MICU3: variants seen among roughly 807,000 people sequenced by gnomAD.
MICU3 encodes the protein calcium uptake protein 3, mitochondrial.
MICU3 carries 62 observed loss-of-function variants against 66.5 expected under a neutral mutation model. The ratio of observed to expected loss-of-function variants is 0.93; its 90% CI spans 0.76 to 1.15. MICU3 has a LOEUF of 1.15. MICU3 is among the 50% of genes most tolerant of loss of function. The pLI is 0.00. For missense variants in MICU3, 779 were observed against 664.4 expected, an observed-to-expected ratio of 1.17 and a Z score of -1.90; for synonymous variants, 308 against 240.7, an observed-to-expected ratio of 1.28 and a Z score of -2.59.
In MICU3 at chr8:17,122,280, TG is replaced by T. The variant is rs1166607582; in HGVS notation, c.*1994del. 3 of 151,870 alleles carry T rather than the reference TG, an allele frequency of 2.0e-5. No homozygotes were observed. The highest frequency in any genetic ancestry group is 2.0e-4 in the Admixed American group (3 of 15,246). The allele number at this position is 151,870 out of a possible 1,614,324, so 9.4% of individuals were successfully genotyped here. A position where few individuals can be genotyped will look rare whatever the true frequency, so the allele number is the denominator to read the frequency against. ...GTGATTTCCATCATATTATCACTCT[TG>T]AATTTTATCATCTATAAAATGAGAG... On this transcript the variant is annotated 3_prime_UTR_variant, in exon 15 of 15. Coordinates refer to ENST00000318063, the MANE Select transcript of MICU3 (RefSeq NM_181723.3).
At chr8:17,052,940 T>C (rs1486680414) in intron 1 of MICU3, among the ~76,000 whole-genome samples, 2 of 152,210 alleles carry the variant, frequency 1.3e-5, no homozygotes, top group Non-Finnish European at 2.9e-5. Context: ...TTTGCAAGAT[T>C]ATTTTTTATG....
intron 11 of MICU3, among the ~76,000 whole-genome samples, chr8:17,106,684 G>A (rs2150816516): frequency 6.6e-6 from 1 of 151,434 alleles, no homozygotes; most frequent in South Asian, 2.1e-4. Flanking sequence ...ATGATTACTT[G>A]TAGAAATGGA....
chr8:17,057,301 A>G (rs1163522746), intron 1 of MICU3, among the ~76,000 whole-genome samples: 1 of 152,150 alleles, frequency 6.6e-6, no homozygotes, highest in Admixed American at 6.5e-5. Context: ...TTGGGAAATC[A>G]GGGATGGGTT....
chr8:17,082,312 A>G (rs1302181395), intron 5 of MICU3, among the ~76,000 whole-genome samples: 1 of 152,046 alleles, frequency 6.6e-6, no homozygotes, highest in Non-Finnish European at 1.5e-5. Flanking sequence ...AGGGATTTGT[A>G]CCTTCTGCTT....
intron 1 of MICU3, among the ~76,000 whole-genome samples, chr8:17,028,585 A>C (rs1432974527): frequency 6.6e-6 from 1 of 152,228 alleles, no homozygotes; most frequent in East Asian, 1.9e-4. Context: ...TGCTGTTTCT[A>C]ATGCAATTTT....
Position 17,082,149 on chromosome 8 carries a change from T to TG in MICU3, c.694+409_694+410insG, listed in dbSNP as rs1585394415. On this transcript the variant is annotated intron_variant, in intron 5 of 14. Coordinates refer to ENST00000318063, the MANE Select transcript of MICU3 (RefSeq NM_181723.3). The stretch of plus-strand genomic sequence containing the variant: ...ACCCATCATTCACATCTAAAACTTC[T>TG]ATTTTCTCCCTGTCAGGTGCAGCAT... Among the ~76,000 whole-genome samples the TG allele has an allele frequency of 4.7e-5, 7 of 147,742 alleles. No homozygotes were observed. The East Asian group carries it at 1.4e-3, about 31-fold the overall frequency.
At chr8:17,077,882 G>C in intron 4 of MICU3, 21 bp downstream of exon 4, 2 of 1,513,640 alleles carry the variant, frequency 1.3e-6, no homozygotes, top group Non-Finnish European at 1.8e-6. Flanking sequence ...CTTAGTACTT[G>C]TTCTTTTTTT....
chr8:17,113,167 C>A (rs1020969561), intron 11 of MICU3, among the ~76,000 whole-genome samples: 1 of 152,080 alleles, frequency 6.6e-6, no homozygotes, highest in African/African-American at 2.4e-5. Context: ...AAACTAGATC[C>A]CTGTGGGGCT....
chr8:17,116,890 CA>C (rs1802734927), intron 13 of MICU3, among the ~76,000 whole-genome samples: 1 of 152,218 alleles, frequency 6.6e-6, no homozygotes, highest in Admixed American at 6.5e-5. Context: ...CAAATATTTT[CA>C]AAAAATTTAG....
At chr8:17,042,629 G>A (rs920634490) in intron 1 of MICU3, among the ~76,000 whole-genome samples, 1 of 152,188 alleles carries the variant, frequency 6.6e-6, no homozygotes, top group Non-Finnish European at 1.5e-5. Context: ...CCATAGCATA[G>A]TAGTGTTTTT....
chr8:17,128,887 C>T, the MICU3 span, among the ~76,000 whole-genome samples: 5 of 152,122 alleles, frequency 3.3e-5, no homozygotes, highest in African/African-American at 1.2e-4. Flanking sequence ...CAAAAATCTG[C>T]ATAGGGGTAC....
At chr8:17,107,919 C>T (rs1408792187) in intron 11 of MICU3, among the ~76,000 whole-genome samples, 2 of 152,082 alleles carry the variant, frequency 1.3e-5, no homozygotes, top group African/African-American at 2.4e-5. Context: ...TTTAGGTGGC[C>T]TGGCTTTGAA....
At chr8:17,031,337 G>A (rs1324564078) in intron 1 of MICU3, among the ~76,000 whole-genome samples, 2 of 150,186 alleles carry the variant, frequency 1.3e-5, no homozygotes, top group South Asian at 2.1e-4. Flanking sequence ...GCTCAGGCTG[G>A]ACTGCAGGGG....
At chr8:17,084,495 C>T (rs1434787879) in intron 5 of MICU3, among the ~76,000 whole-genome samples, 2 of 152,016 alleles carry the variant, frequency 1.3e-5, no homozygotes, top group Middle Eastern at 3.2e-3. Context: ...CCCCTCCCCC[C>T]GGTCATCTCA....
the MICU3 span, among the ~76,000 whole-genome samples, chr8:17,137,142 C>T: frequency 6.6e-6 from 1 of 152,000 alleles, no homozygotes; most frequent in African/African-American, 2.4e-5. Flanking sequence ...TTTCACTTAT[C>T]TTCAATCCAA....
At chr8:17,068,895 T>C (rs1819120252) in intron 2 of MICU3, among the ~76,000 whole-genome samples, 1 of 152,192 alleles carries the variant, frequency 6.6e-6, no homozygotes, top group South Asian at 2.1e-4. Context: ...TACAGCTGTA[T>C]TACAGGGCTT....
intron 8 of MICU3, among the ~76,000 whole-genome samples, chr8:17,091,723 T>G (rs1478654095): frequency 6.6e-6 from 1 of 152,108 alleles, no homozygotes; most frequent in East Asian, 1.9e-4. Flanking sequence ...AAATCACTAC[T>G]CTTTTCCATT....
chr8:17,118,376 T>C (rs1802895772), intron 13 of MICU3, among the ~76,000 whole-genome samples: 1 of 152,290 alleles, frequency 6.6e-6, no homozygotes, highest in South Asian at 2.1e-4. Flanking sequence ...ATCAAACTTA[T>C]TAACAAATCT....
chr8:17,085,388 T>A, intron 6 of MICU3, 70 bp downstream of exon 6: 1 of 1,013,104 alleles, frequency 9.9e-7, no homozygotes, highest in Non-Finnish European at 1.5e-6. Context: ...TGTTTTTGCC[T>A]TATTGGGAGT....
Sources: gnomAD v4.1 joint callset for allele counts (sites outside exome capture counted in the v4.1 genomes callset) on GRCh38, gnomAD v4.1.1 for gene constraint, MANE v1.5 for transcripts, NCBI Gene and HGNC (gene_info 2026-07-23, HGNC 2026-07-21) for gene names.